Variants in HS6ST2 observed in about 807,000 individuals in gnomAD.
HS6ST2 encodes the protein heparan sulfate 6-O-sulfotransferase 2, also known as heparan-sulfate 6-O-sulfotransferase 2.
Under a neutral mutation model 33.0 loss-of-function variants are expected in HS6ST2, and 17 were observed. The observed-to-expected ratio is 0.52, with a 90% CI of 0.35 to 0.77. HS6ST2 has a LOEUF of 0.77. Ranked by LOEUF, HS6ST2 falls within the 30% of genes least tolerant of loss-of-function variation. The pLI, the probability that HS6ST2 is intolerant of heterozygous loss-of-function variation, is 0.01. For missense variants in HS6ST2, 519 were observed against 551.7 expected (o/e 0.94, Z 0.59); for synonymous variants, 248 against 237.1 (o/e 1.05, Z -0.42).
Position 132,958,407 on chromosome X carries a change from G to T in HS6ST2, c.196C>A (p.Pro66Thr). 2 of 1,197,344 alleles carry T rather than the reference G, an allele frequency of 1.7e-6. No individual in the cohort carries two copies. Among genetic ancestry groups the T allele is most frequent in the South Asian group, 1.8e-5 (1 of 55,957 alleles). ...RGVSHGFHTRPLLDKPRKASS... is the reference protein window; with the variant it reads ...RGVSHGFHTRTLLDKPRKASS... The stretch of plus-strand genomic sequence containing the variant: ...GCCTTTCGGGGCTTGTCCAGGAGCG[G>T]CCGGGTGTGGAATCCGTGAGACACA... The change falls in exon 1 of 5, where the codon CCG (proline) becomes ACG (threonine). Residue 66 changes from proline to threonine, a missense_variant. Pro to Thr is a conservative substitution (Grantham distance 38, BLOSUM62 -1). Transcript: ENST00000370833.
intron 2 of HS6ST2, among the ~76,000 whole-genome samples, chrX:132,790,442 T>C (rs961002875): frequency 8.9e-6 from 1 of 112,126 alleles, no homozygotes; most frequent in African/African-American, 3.2e-5. Context: ...AACCAAAAAA[T>C]TCATGTGACT....
At chrX:132,803,477 C>T (rs995409588) in intron 2 of HS6ST2, among the ~76,000 whole-genome samples, 1 of 111,694 alleles carries the variant, frequency 9.0e-6, no homozygotes, top group East Asian at 2.8e-4. Flanking sequence ...GGCACAATCT[C>T]GGCTCACTGC....
chrX:132,880,872 G>A (rs1465360197), intron 2 of HS6ST2, among the ~76,000 whole-genome samples: 2 of 106,118 alleles, frequency 1.9e-5, no homozygotes, highest in East Asian at 6.2e-4. Context: ...GTGAGAACAT[G>A]CAGTGTTTGG....
At chrX:132,729,333 A>G (rs191698834) in intron 2 of HS6ST2, among the ~76,000 whole-genome samples, 96 of 112,124 alleles carry the variant, frequency 8.6e-4, no homozygotes, top group African/African-American at 2.9e-3. Context: ...GAGGGGATAC[A>G]GTGAAGGGGG....
intron 2 of HS6ST2, among the ~76,000 whole-genome samples, chrX:132,802,175 C>T (rs1256507906): frequency 2.7e-5 from 3 of 112,147 alleles, no homozygotes; most frequent in Non-Finnish European, 5.6e-5. Context: ...AGTGGTACTA[C>T]AGAAAACTAC....
chrX:132,702,880 T>C (rs2064156643), intron 3 of HS6ST2, among the ~76,000 whole-genome samples: 1 of 111,744 alleles, frequency 8.9e-6, no homozygotes, highest in East Asian at 2.8e-4. Context: ...TCTAGAACAG[T>C]GCCTGGATCA....
chrX:132,817,823 G>C (rs919250978), intron 2 of HS6ST2, among the ~76,000 whole-genome samples: 1 of 111,833 alleles, frequency 8.9e-6, no homozygotes, highest in African/African-American at 3.2e-5. Context: ...TTCCCCTTCT[G>C]TAAAATGGGC....
At chrX:132,897,577 G>A (rs1490422875) in intron 2 of HS6ST2, among the ~76,000 whole-genome samples, 1 of 111,403 alleles carries the variant, frequency 9.0e-6, no homozygotes, top group African/African-American at 3.3e-5. Flanking sequence ...ACAGTGCAAG[G>A]AACATAATAA....
chrX:132,666,128 C>T (rs189532091), intron 4 of HS6ST2, among the ~76,000 whole-genome samples: 41 of 111,768 alleles, frequency 3.7e-4, no homozygotes, highest in African/African-American at 1.3e-3. Context: ...CTGGAGTGAC[C>T]GACTTGCATT....
At chrX:132,929,227 C>T (rs2066740485) in intron 2 of HS6ST2, among the ~76,000 whole-genome samples, 2 of 111,319 alleles carry the variant, frequency 1.8e-5, no homozygotes, top group African/African-American at 6.5e-5. Flanking sequence ...CAACCCAGAT[C>T]ATTCAAGAAA....
chrX:132,757,200 C>A (rs1038125400), intron 2 of HS6ST2, among the ~76,000 whole-genome samples: 6 of 111,876 alleles, frequency 5.4e-5, no homozygotes, highest in African/African-American at 2.0e-4. Context: ...CACCCTTAGG[C>A]ACAGGAAGCT....
At chrX:132,862,865 G>A (rs2065926233) in intron 2 of HS6ST2, among the ~76,000 whole-genome samples, 1 of 111,865 alleles carries the variant, frequency 8.9e-6, no homozygotes, top group Admixed American at 9.5e-5. Context: ...TTTGAACCAC[G>A]AAGTACCTAC....
intron 2 of HS6ST2, among the ~76,000 whole-genome samples, chrX:132,879,542 C>A (rs1043514010): frequency 1.8e-5 from 2 of 111,843 alleles, no homozygotes; most frequent in Non-Finnish European, 3.8e-5. Flanking sequence ...CTATACTATT[C>A]AACCACAAAG....
intron 4 of HS6ST2, among the ~76,000 whole-genome samples, chrX:132,641,999 T>A (rs963193981): frequency 2.7e-5 from 3 of 112,138 alleles, no homozygotes; most frequent in African/African-American, 9.7e-5. Context: ...CCATACTTCG[T>A]ATTCTACGGA....
chrX:132,717,041 A>T (rs1323485454), intron 2 of HS6ST2, among the ~76,000 whole-genome samples: 2 of 112,560 alleles, frequency 1.8e-5, no homozygotes, highest in Non-Finnish European at 3.8e-5. Flanking sequence ...AGAACGAAAA[A>T]CTCCCTAACA....
chrX:132,836,002 C>T (rs1325895952), intron 2 of HS6ST2, among the ~76,000 whole-genome samples: 1 of 111,753 alleles, frequency 8.9e-6, no homozygotes, highest in East Asian at 2.8e-4. Context: ...TCTGAGCTGT[C>T]TGGAGTACCC....
chrX:132,767,304 G>A (rs779115131), intron 2 of HS6ST2, among the ~76,000 whole-genome samples: 1 of 111,724 alleles, frequency 9.0e-6, no homozygotes, highest in Non-Finnish European at 1.9e-5. Context: ...CTGTAGCCTC[G>A]ACTTCCAGTG....
intron 2 of HS6ST2, among the ~76,000 whole-genome samples, chrX:132,936,876 AAAAG>A (rs898407310): frequency 1.8e-5 from 2 of 111,542 alleles, no homozygotes; most frequent in Non-Finnish European, 3.8e-5. Flanking sequence ...AGAAAAAAAA[AAAAG>A]AAAGAAAATG....
intron 2 of HS6ST2, among the ~76,000 whole-genome samples, chrX:132,906,020 T>A (rs868757482): frequency 1.8e-5 from 2 of 111,127 alleles, no homozygotes; most frequent in Non-Finnish European, 3.8e-5. Context: ...AGGAAGACAC[T>A]GTTTCAAAAA....
Sources: gnomAD v4.1 joint callset for allele counts (sites outside exome capture counted in the v4.1 genomes callset) on GRCh38, gnomAD v4.1.1 for gene constraint, MANE v1.5 for transcripts, NCBI Gene and HGNC (gene_info 2026-07-23, HGNC 2026-07-21) for gene names.